The following PHKA2 variants were observed in gnomAD, a reference collection of about 807,000 sequenced individuals.
The protein encoded by PHKA2 is phosphorylase b kinase regulatory subunit alpha, liver isoform.
A neutral mutation model predicts 102.0 loss-of-function variants in PHKA2; 31 were observed. The observed-to-expected ratio is 0.30, with a 90% CI of 0.23 to 0.41. The LOEUF is 0.41. Ranked by LOEUF, PHKA2 falls within the 10% of genes least tolerant of loss-of-function variation. The probability of loss-of-function intolerance (pLI) is 1.00; values close to 1 mark genes in which losing one functional copy is unlikely to be tolerated. For synonymous variants in PHKA2, 455 were observed against 416.2 expected (o/e 1.09, Z -1.13); for missense variants, 858 against 1,023.1 (o/e 0.84, Z 2.20).
intron 1 of PHKA2, among the ~76,000 whole-genome samples, chrX:18,974,840 C>T (rs990358616): frequency 9.0e-6 from 1 of 111,655 alleles, no homozygotes; most frequent in African/African-American, 3.3e-5. Flanking sequence ...CAACACAGGA[C>T]TTTGAGGGGA....
At position 18,941,672 on chromosome X, in the gene PHKA2, T is replaced by C. The variant is rs367696431; in HGVS notation, c.721A>G (p.Ile241Val). 6 of 1,162,078 alleles carry C rather than the reference T, an allele frequency of 5.2e-6. No homozygotes were observed. The highest frequency in any genetic ancestry group is 1.8e-5 in the South Asian group (1 of 55,869). Reference protein sequence around the residue: ...LPDEVEHCQSILFSMLPRAST... With the variant: ...LPDEVEHCQSVLFSMLPRAST... ...GCTCTTGGCAGCATGGAGAACAGAA[T>C]AGACTGAATGAAAAACAAAGAGGTG... The change falls in exon 8 of 33, where the codon ATT (isoleucine) becomes GTT (valine). Residue 241 changes from isoleucine to valine, a missense_variant. By Grantham distance (29) the Ile-to-Val change is conservative (BLOSUM62 3). This residue lies in a region of PHKA2 where 187 missense variants were observed against 277.9 expected (regional missense o/e 0.67). Transcript: ENST00000379942.
At chrX:18,959,318 G>A (rs1041548657) in intron 1 of PHKA2, among the ~76,000 whole-genome samples, 2 of 111,821 alleles carry the variant, frequency 1.8e-5, no homozygotes, top group South Asian at 7.4e-4. Flanking sequence ...CTGTTTGAAC[G>A]GCTTTCATTA....
At position 18,893,363 on chromosome X, in the gene PHKA2, G is replaced by A. The variant is rs768718632; in HGVS notation, c.*122C>T. On this transcript the variant is annotated 3_prime_UTR_variant, in exon 33 of 33. Transcript: ENST00000379942. Reference sequence around the variant, plus strand: ...GGTGAGTGCTACCATTGCCCCCCGAGAGTGTTTCTGATGGGACATGCTTTC... The same window carrying A: ...GGTGAGTGCTACCATTGCCCCCCGAAAGTGTTTCTGATGGGACATGCTTTC... 1 of 697,674 alleles carries A rather than the reference G, an allele frequency of 1.4e-6. No homozygotes were observed. The highest frequency in any genetic ancestry group is 3.2e-5 in the East Asian group (1 of 31,286). The allele number at this position is 697,674 out of a possible 1,213,427, so 57.5% of individuals were successfully genotyped here.
At chrX:18,923,905 G>A (rs2048166691) in intron 17 of PHKA2, 151 bp downstream of exon 17, 4 of 508,704 alleles carry the variant, frequency 7.9e-6, no homozygotes, top group Non-Finnish European at 1.4e-5. Context: ...TCACACGGGC[G>A]ACTGGATTAG....
chrX:18,944,110 C>T (rs1200864186), intron 6 of PHKA2, among the ~76,000 whole-genome samples: 1 of 110,861 alleles, frequency 9.0e-6, no homozygotes, highest in Non-Finnish European at 1.9e-5. Context: ...CCACTGTGCC[C>T]GACCCTATTC....
chrX:18,966,237 G>A (rs534805162), intron 1 of PHKA2, among the ~76,000 whole-genome samples: 1 of 109,146 alleles, frequency 9.2e-6, no homozygotes, highest in East Asian at 2.9e-4. Context: ...ACAGGTGTGC[G>A]ACACCACACT....
rs756922458 is a variant in PHKA2 at position 18,936,076 on chromosome X, G to A, written c.1116C>T (p.Leu372=). 8.3e-7 allele frequency: 1 copy of A among 1,205,901 alleles called. No homozygotes were observed. Among genetic ancestry groups the A allele is most frequent in the Non-Finnish European group, 1.1e-6 (1 of 890,183 alleles). The stretch of plus-strand genomic sequence containing the variant: ...TTACCTTGTTAGGCGGGACAGCGTA[G>A]AGTTCAGGCACCAGGCGGATCCCAT... ...GKNGIRLVPE[L]YAVPPNKVDE... The change falls in exon 11 of 33, where the codon CTC becomes CTT. Residue 372 remains leucine, a synonymous_variant. Transcript: ENST00000379942.
intron 19 of PHKA2, 50 bp from the exon 20 acceptor site, chrX:18,911,010 C>CT (rs11291764): frequency 1.7e-3 from 941 of 547,133 alleles, no homozygotes; most frequent in Non-Finnish European, 2.2e-3. Flanking sequence ...AAGAACAACA[C>CT]TTTTTTTTTT....
intron 1 of PHKA2, among the ~76,000 whole-genome samples, chrX:18,972,341 C>T (rs2049028375): frequency 8.9e-6 from 1 of 111,997 alleles, no homozygotes; most frequent in Non-Finnish European, 1.9e-5. Flanking sequence ...TAAGGCATTC[C>T]TTCCCCTCTT....
At chrX:18,960,416 C>A (rs773307065) in intron 1 of PHKA2, among the ~76,000 whole-genome samples, 10 of 111,732 alleles carry the variant, frequency 8.9e-5, no homozygotes, top group Non-Finnish European at 1.9e-4. Context: ...GTGGGCTGTA[C>A]AGGAAGCATG....
At chrX:18,955,374 G>GTTT (rs35875518) in intron 1 of PHKA2, among the ~76,000 whole-genome samples, 1 of 90,310 alleles carries the variant, frequency 1.1e-5, no homozygotes, top group Admixed American at 1.2e-4. Flanking sequence ...GCTGCTAGTA[G>GTTT]TTTTTTTTTT....
At chrX:18,946,878 G>A (rs992935220) in intron 5 of PHKA2, among the ~76,000 whole-genome samples, 1 of 97,991 alleles carries the variant, frequency 1.0e-5, no homozygotes, top group Admixed American at 1.1e-4. Flanking sequence ...TTGGGGTGGG[G>A]GGAGGGGGGC....
chrX:18,908,388 C>T (rs576361230), intron 21 of PHKA2, among the ~76,000 whole-genome samples: 1 of 112,033 alleles, frequency 8.9e-6, no homozygotes, highest in Non-Finnish European at 1.9e-5. Context: ...AAGAATACTA[C>T]GGAAAAAATT....
intron 17 of PHKA2, among the ~76,000 whole-genome samples, chrX:18,922,072 C>G (rs187536149): frequency 0.039 from 4,331 of 111,090 alleles, 198 homozygotes; most frequent in African/African-American, 0.13. Flanking sequence ...CATGGTGAAA[C>G]CCCGTCTCTA....
rs1366429709 is a variant in PHKA2 at position 18,924,478 on chromosome X, G to A, written c.1617C>T (p.Ile539=). Residue 539 remains isoleucine, a synonymous_variant, in exon 16 of 33, where the codon ATC becomes ATT. Coordinates refer to ENST00000379942, the MANE Select transcript of PHKA2 (RefSeq NM_000292.3). The part of the protein sequence containing the change: ...HFYLALDNEM[I]VEMLRIELAY... The stretch of plus-strand genomic sequence containing the variant: ...CCAGCTCGATCCTTAGCATCTCCAC[G>A]ATCATCTCATTGTCGAGGGCCAGGT... 4.1e-6 allele frequency: 5 copies of A among 1,210,258 alleles called. No homozygotes were observed. Among genetic ancestry groups the A allele is most frequent in the Non-Finnish European group, 1.1e-6 (1 of 894,169 alleles).
intron 28 of PHKA2, 83 bp from the exon 29 acceptor site, chrX:18,899,309 G>T: frequency 2.5e-6 from 2 of 795,495 alleles, no homozygotes; most frequent in Non-Finnish European, 3.8e-6. Flanking sequence ...AGCAGCATCC[G>T]AAACACCCAC....
intron 6 of PHKA2, among the ~76,000 whole-genome samples, chrX:18,944,044 G>A (rs1172515653): frequency 9.1e-6 from 1 of 110,129 alleles, no homozygotes; most frequent in Non-Finnish European, 1.9e-5. Context: ...TGAACTCCCG[G>A]GCTCAGGTGA....
chrX:18,926,221 T>C, intron 14 of PHKA2, among the ~76,000 whole-genome samples: 1 of 112,629 alleles, frequency 8.9e-6, no homozygotes, highest in Admixed American at 9.3e-5. Flanking sequence ...GGTGGCTCCT[T>C]ATTTTACAAC....
At position 18,907,111 on chromosome X, in the gene PHKA2, GGGAA is replaced by G. The variant is rs768210051; in HGVS notation, c.2518-18_2518-15del. 5.2e-6 allele frequency: 6 copies of G among 1,155,372 alleles called. No individual in the cohort carries two copies. The African/African-American group carries it at 7.2e-5, about 14-fold the overall frequency. ...GTCTGTGCAGGCCTGCGCAGTTAAGGGGAAGGGTGAGAGGCAGAGCGCGAGAGAG... is the reference window on the plus strand; with the variant it reads ...GTCTGTGCAGGCCTGCGCAGTTAAGGGGGTGAGAGGCAGAGCGCGAGAGAG... On this transcript the variant is annotated splice_polypyrimidine_tract_variant and intron_variant, in intron 22 of 32. Coordinates refer to ENST00000379942, the MANE Select transcript of PHKA2 (RefSeq NM_000292.3).
Sources: allele counts gnomAD v4.1 joint callset (sites outside exome capture counted in the v4.1 genomes callset), GRCh38; gene constraint gnomAD v4.1.1; regional missense constraint gnomAD v4.1.1; transcripts MANE v1.5; gene names NCBI Gene and HGNC (gene_info 2026-07-23, HGNC 2026-07-21).